Variants in RNF169 observed in about 807,000 individuals in gnomAD.
RNF169 encodes the protein E3 ubiquitin-protein ligase RNF169.
Under a neutral mutation model 53.9 loss-of-function variants are expected in RNF169, and 24 were observed. The ratio of observed to expected loss-of-function variants is 0.45; its 90% CI spans 0.32 to 0.63. RNF169 has a LOEUF of 0.63. Among genes scored for constraint, RNF169 ranks in the 20% least tolerant of loss-of-function variants. The pLI, the probability that RNF169 is intolerant of heterozygous loss-of-function variation, is 0.04. For missense variants in RNF169, 883 were observed against 906.2 expected (o/e 0.97, Z 0.33); for synonymous variants, 396 against 363.5 (o/e 1.09, Z -1.02).
chr11:74,770,886 A>C (rs1343116953), intron 1 of RNF169, among the ~76,000 whole-genome samples: 2 of 151,458 alleles, frequency 1.3e-5, no homozygotes, highest in Non-Finnish European at 2.9e-5. Flanking sequence ...GCTCACTACA[A>C]CCTCTGCCTC....
chr11:74,814,502 C>G (rs1221682887), intron 3 of RNF169, among the ~76,000 whole-genome samples: 1 of 151,070 alleles, frequency 6.6e-6, no homozygotes, highest in Admixed American at 6.6e-5. Flanking sequence ...TTACTTCAGC[C>G]TCTGAAGTAG....
chr11:74,779,550 A>C (rs1479197700), intron 1 of RNF169, among the ~76,000 whole-genome samples: 1 of 152,150 alleles, frequency 6.6e-6, no homozygotes, highest in South Asian at 2.1e-4. Flanking sequence ...ATATTCTTGG[A>C]GAATCAGAAG....
At chr11:74,805,738 G>A (rs2035794257) in intron 2 of RNF169, among the ~76,000 whole-genome samples, 1 of 152,056 alleles carries the variant, frequency 6.6e-6, no homozygotes, top group Non-Finnish European at 1.5e-5. Flanking sequence ...GAGTACAGTT[G>A]ACCATTGAAT....
chr11:74,797,066 A>G (rs2035659689), intron 2 of RNF169, among the ~76,000 whole-genome samples: 1 of 152,176 alleles, frequency 6.6e-6, no homozygotes, highest in Admixed American at 6.5e-5. Context: ...GGGCTGAATT[A>G]TTCAAGTAGT....
chr11:74,786,526 T>C (rs1362340703), intron 1 of RNF169, among the ~76,000 whole-genome samples: 1 of 152,106 alleles, frequency 6.6e-6, no homozygotes, highest in Admixed American at 6.6e-5. Flanking sequence ...GCCTCCCAAA[T>C]TGCTGGAATT....
intron 1 of RNF169, among the ~76,000 whole-genome samples, chr11:74,763,397 C>G (rs1443140069): frequency 6.6e-6 from 1 of 152,068 alleles, no homozygotes; most frequent in Non-Finnish European, 1.5e-5. Context: ...GCTCCAAGAA[C>G]TCGGATAAGA....
At chr11:74,790,037 A>G (rs1289300425) in intron 2 of RNF169, among the ~76,000 whole-genome samples, 1 of 152,130 alleles carries the variant, frequency 6.6e-6, no homozygotes. Flanking sequence ...TTTATCTCAC[A>G]AGTTTCTTCT....
Position 74,758,435 on chromosome 11 carries a change from TG to T in RNF169, c.502+9054del, listed in dbSNP as rs577627746. 6.6e-3 allele frequency among the ~76,000 whole-genome samples: 1,002 copies of T among 150,964 alleles called. 11 individuals carry two copies. Among genetic ancestry groups the T allele is most frequent in the African/African-American group, 0.023 (928 of 40,726 alleles). On this transcript the variant is annotated intron_variant, in intron 1 of 5. Coordinates refer to ENST00000299563, the MANE Select transcript of RNF169 (RefSeq NM_001098638.2). The stretch of plus-strand genomic sequence containing the variant: ...TATAGTTTGAAGTCAGGTAGTGTGA[TG>T]CCTCCAGCTTTGTTTTTTTGGCTTA...
At chr11:74,828,374 G>C (rs1266501188) in intron 4 of RNF169, among the ~76,000 whole-genome samples, 2 of 152,188 alleles carry the variant, frequency 1.3e-5, no homozygotes, top group Non-Finnish European at 2.9e-5. Context: ...TGGATGGGAA[G>C]AATGAATATC....
chr11:74,785,239 A>G (rs1481383163), intron 1 of RNF169, among the ~76,000 whole-genome samples: 2 of 88,524 alleles, frequency 2.3e-5, no homozygotes, highest in African/African-American at 6.2e-5. Flanking sequence ...TATTATATAT[A>G]TGTTATATAT....
intron 2 of RNF169, among the ~76,000 whole-genome samples, chr11:74,799,283 G>T (rs938178336): frequency 1.3e-5 from 2 of 152,010 alleles, no homozygotes; most frequent in Non-Finnish European, 2.9e-5. Context: ...ATTCTCAATA[G>T]AATGTTTAAA....
At chr11:74,758,396 C>A (rs1246780375) in intron 1 of RNF169, among the ~76,000 whole-genome samples, 3 of 149,602 alleles carry the variant, frequency 2.0e-5, no homozygotes, top group Non-Finnish European at 3.0e-5. Flanking sequence ...GTTTTGGTTA[C>A]TGTAGCCTTG....
At chr11:74,776,371 AGACTTT>A (rs1411077569) in intron 1 of RNF169, among the ~76,000 whole-genome samples, 3 of 152,138 alleles carry the variant, frequency 2.0e-5, no homozygotes, top group Non-Finnish European at 4.4e-5. Context: ...GATGATAATG[AGACTTT>A]GACTTTAATA....
At chr11:74,793,275 T>C (rs1470081109) in intron 2 of RNF169, among the ~76,000 whole-genome samples, 2 of 152,206 alleles carry the variant, frequency 1.3e-5, no homozygotes, top group African/African-American at 2.4e-5. Flanking sequence ...TGAAGTGATA[T>C]AGTGATTTCT....
intron 1 of RNF169, among the ~76,000 whole-genome samples, chr11:74,778,488 T>TG (rs573404223): frequency 5.9e-5 from 9 of 152,184 alleles, no homozygotes; most frequent in African/African-American, 2.2e-4. Context: ...AATCTGGTGA[T>TG]GTTGTGCCAA....
At chr11:74,828,402 G>A (rs1335932572) in intron 4 of RNF169, among the ~76,000 whole-genome samples, 1 of 152,134 alleles carries the variant, frequency 6.6e-6, no homozygotes, top group African/African-American at 2.4e-5. Context: ...TGGCTGTACT[G>A]CCCAAAGCAA....
At position 74,837,928 on chromosome 11, in the gene RNF169, T is replaced by G. The variant is rs559842618; in HGVS notation, c.*1198T>G. On this transcript the variant is annotated 3_prime_UTR_variant, in exon 6 of 6. Coordinates refer to ENST00000299563, the MANE Select transcript of RNF169 (RefSeq NM_001098638.2). ...CTCATTGAGAATAGGGATGAAGATA[T>G]GATTTTAGGGAATTTCTGATGGGCT... 1.3e-5 allele frequency: 2 copies of G among 152,194 alleles called. No homozygotes were observed. The highest frequency in any genetic ancestry group is 2.9e-5 in the Non-Finnish European group (2 of 68,036). 9.4% of individuals were successfully genotyped at this position (152,194 alleles called of 1,614,324 possible).
At chr11:74,762,191 A>C (rs1434226418) in intron 1 of RNF169, among the ~76,000 whole-genome samples, 1 of 149,948 alleles carries the variant, frequency 6.7e-6, no homozygotes, top group Admixed American at 6.7e-5. Context: ...TGGTTATTCT[A>C]GTTATACATT....
chr11:74,834,986 CTT>C (rs2036231917), intron 5 of RNF169, among the ~76,000 whole-genome samples: 1 of 151,812 alleles, frequency 6.6e-6, no homozygotes, highest in African/African-American at 2.4e-5. Flanking sequence ...AGAATCCCCC[CTT>C]CTTTTTTTTT....
Sources: allele counts gnomAD v4.1 joint callset (sites outside exome capture counted in the v4.1 genomes callset), GRCh38; gene constraint gnomAD v4.1.1; transcripts MANE v1.5; gene names NCBI Gene and HGNC (gene_info 2026-07-23, HGNC 2026-07-21).